Variants in ANKRD30A observed in about 807,000 individuals in gnomAD.
ANKRD30A encodes ankyrin repeat domain-containing protein 30A.
A neutral mutation model predicts 166.3 loss-of-function variants in ANKRD30A; 170 were observed. The ratio of observed to expected loss-of-function variants is 1.02; its 90% CI spans 0.90 to 1.16. The LOEUF is 1.16. ANKRD30A is among the 50% of genes most tolerant of loss of function. The pLI is 0.00. For synonymous variants in ANKRD30A, 564 were observed against 508.9 expected, an observed-to-expected ratio of 1.11 and a Z score of -1.46; for missense variants, 1,630 against 1,518.0, an observed-to-expected ratio of 1.07 and a Z score of -1.23.
intron 6 of ANKRD30A, among the ~76,000 whole-genome samples, chr10:37,138,497 G>T (rs1836869791): frequency 6.6e-6 from 1 of 152,118 alleles, no homozygotes; most frequent in Non-Finnish European, 1.5e-5. Context: ...TAGATGAATG[G>T]CTAACTAGAA....
chr10:37,196,772 A>G (rs185648916), intron 27 of ANKRD30A, among the ~76,000 whole-genome samples: 48 of 152,272 alleles, frequency 3.2e-4, no homozygotes, highest in African/African-American at 8.9e-4. Context: ...CCCTATGGTT[A>G]TGGAAAAAAA....
At chr10:37,211,626 T>C (rs1842324061) in intron 31 of ANKRD30A, among the ~76,000 whole-genome samples, 1 of 152,192 alleles carries the variant, frequency 6.6e-6, no homozygotes, top group Non-Finnish European at 1.5e-5. Flanking sequence ...CAGCATGTTT[T>C]ATAATCCTTT....
rs189369649 is a variant in ANKRD30A, at chr10:37,198,266, G to A, written c.2716+786G>A. Among the ~76,000 whole-genome samples, 442 of 152,038 alleles carry A rather than the reference G, an allele frequency of 2.9e-3. 1 individual carries two copies. The highest frequency in any genetic ancestry group is 4.7e-3 in the Non-Finnish European group (317 of 67,908). Reference sequence around the variant, plus strand: ...TTTTTCAACTTCTAATATGTAGATGGTTGTGCAGTGTAATGTTCGGCAACA... The same window carrying A: ...TTTTTCAACTTCTAATATGTAGATGATTGTGCAGTGTAATGTTCGGCAACA... On this transcript the variant is annotated intron_variant, in intron 29 of 35. Transcript: ENST00000361713.
chr10:37,196,093 A>ATTTATTTTTTTTT (rs1554823849), intron 27 of ANKRD30A, among the ~76,000 whole-genome samples: 2 of 129,448 alleles, frequency 1.5e-5, no homozygotes, highest in Non-Finnish European at 3.2e-5. Flanking sequence ...TATATTTTCT[A>ATTTATTTTTTTTT]TTTTTTTTTT....
rs1300502477 is a variant in ANKRD30A, at chr10:37,196,122, G to A, written c.2615-1159G>A. Among the ~76,000 whole-genome samples the A allele has an allele frequency of 3.9e-5, 5 of 128,128 alleles. No individual in the cohort carries two copies. In the East Asian group the frequency reaches 6.3e-4, roughly 16 times the overall value. 84.1% of individuals were successfully genotyped at this position (128,128 alleles called of 152,430 possible). A position where few individuals can be genotyped will look rare whatever the true frequency, so the allele number is the denominator to read the frequency against. Reference sequence around the variant, plus strand: ...TTTTTTTTTTTTTTTTGTAGTAGAAGCATTCTAGGCAGGTAACAGGGGACA... The same window carrying A: ...TTTTTTTTTTTTTTTTGTAGTAGAAACATTCTAGGCAGGTAACAGGGGACA... On this transcript the variant is annotated intron_variant, in intron 27 of 35. Transcript: ENST00000361713.
chr10:37,126,242 C>G (rs1836003153), intron 1 of ANKRD30A, among the ~76,000 whole-genome samples: 1 of 152,222 alleles, frequency 6.6e-6, no homozygotes, highest in African/African-American at 2.4e-5. Context: ...TTAAAATCAA[C>G]CCCAAACTTT....
Position 37,219,290 on chromosome 10 carries a change from C to T in ANKRD30A, c.3578C>T (p.Ala1193Val). Reference sequence around the variant, plus strand: ...AAACAAGACAAAGAAATACTAGAGGCAGAAATTGAATCACACCATCCTAGA... The same window carrying T: ...AAACAAGACAAAGAAATACTAGAGGTAGAAATTGAATCACACCATCCTAGA... ...KEKQDKEILEAEIESHHPRLA... is the reference protein window; with the variant it reads ...KEKQDKEILEVEIESHHPRLA... The change falls in exon 34 of 36, where the codon GCA becomes GTA. Residue 1193 changes from alanine (A) to valine (V), a missense_variant. By Grantham distance (64) the Ala-to-Val change is moderately conservative (BLOSUM62 0). Around this residue, in one of 4 missense-constraint regions of ANKRD30A, gnomAD observed 712 missense variants for 629.3 expected, o/e 1.13. Coordinates refer to ENST00000361713, the MANE Select transcript of ANKRD30A (RefSeq NM_052997.3). 2 of 1,610,328 alleles carry T rather than the reference C, an allele frequency of 1.2e-6. No individual in the cohort carries two copies.
chr10:37,201,189 T>C (rs1355269605), intron 30 of ANKRD30A, 46 bp from the exon 31 acceptor site: 2 of 1,396,384 alleles, frequency 1.4e-6, no homozygotes, highest in Admixed American at 2.5e-5. Flanking sequence ...ATCTTCATTA[T>C]TAGGATTTTT....
chr10:37,225,203 G>C (rs1376932011), intron 34 of ANKRD30A, among the ~76,000 whole-genome samples: 3 of 151,248 alleles, frequency 2.0e-5, no homozygotes, highest in Non-Finnish European at 4.4e-5. Context: ...CATATATGCT[G>C]TACATTTTTC....
chr10:37,191,945 A>C (rs1042037407), intron 25 of ANKRD30A, among the ~76,000 whole-genome samples: 7 of 152,080 alleles, frequency 4.6e-5, no homozygotes, highest in Non-Finnish European at 8.8e-5. Context: ...TGGTGAGCCG[A>C]TATTACATTA....
At chr10:37,152,233 T>C (rs1452061143) in intron 12 of ANKRD30A, 112 bp downstream of exon 12, 3 of 868,028 alleles carry the variant, frequency 3.5e-6, no homozygotes, top group Non-Finnish European at 5.3e-6. Context: ...CCCGAAATTA[T>C]TTTTGATATT....
At chr10:37,149,983 T>C (rs1192975197) in intron 11 of ANKRD30A, 134 bp downstream of exon 11, 8 of 1,270,570 alleles carry the variant, frequency 6.3e-6, no homozygotes, top group Admixed American at 2.9e-5. Context: ...AATACTGGTA[T>C]TGATGTTTGA....
At chr10:37,233,237 T>C (rs1228763702), downstream of ANKRD30A, among the ~76,000 whole-genome samples, 1 of 152,132 alleles carries the variant, frequency 6.6e-6, no homozygotes, top group African/African-American at 2.4e-5. Flanking sequence ...AGCTGAGTTT[T>C]TAATTATTTT....
intron 6 of ANKRD30A, among the ~76,000 whole-genome samples, chr10:37,140,271 C>G (rs1001901479): frequency 3.9e-5 from 6 of 152,148 alleles, no homozygotes; most frequent in Non-Finnish European, 7.3e-5. Context: ...AACCCATATT[C>G]AAGCATCAAC....
rs564160943 is a variant in ANKRD30A, at chr10:37,137,630, G to A, written c.820+959G>A. ...CCCCATGGAACCTTGCTCATTGCTAGCACAGCAGTCTGAGATCAAACTGTA... is the reference window on the plus strand; with the variant it reads ...CCCCATGGAACCTTGCTCATTGCTAACACAGCAGTCTGAGATCAAACTGTA... On this transcript the variant is annotated intron_variant, in intron 6 of 35. Coordinates refer to ENST00000361713, the MANE Select transcript of ANKRD30A (RefSeq NM_052997.3). 2.4e-3 allele frequency among the ~76,000 whole-genome samples: 364 copies of A among 152,280 alleles called. 6 individuals carry two copies. The Middle Eastern group carries it at 0.031, about 13-fold the overall frequency.
intron 15 of ANKRD30A, among the ~76,000 whole-genome samples, chr10:37,160,770 A>G (rs1838786256): frequency 6.6e-6 from 1 of 152,160 alleles, no homozygotes; most frequent in Admixed American, 6.5e-5. Context: ...AGTTCAGTTT[A>G]TGGTCTCATT....
At chr10:37,148,747 T>C (rs1398411429) in intron 9 of ANKRD30A, among the ~76,000 whole-genome samples, 1 of 152,100 alleles carries the variant, frequency 6.6e-6, no homozygotes, top group Non-Finnish European at 1.5e-5. Flanking sequence ...ATGTTAGCTA[T>C]TCAAGTGAGA....
At chr10:37,240,708 G>A in the ANKRD30A span, among the ~76,000 whole-genome samples, 2 of 151,936 alleles carry the variant, frequency 1.3e-5, no homozygotes, top group Non-Finnish European at 2.9e-5. Context: ...TGTCCTTCTG[G>A]TATCAACCTG....
At chr10:37,157,486 C>A (rs1838473252) in intron 13 of ANKRD30A, among the ~76,000 whole-genome samples, 1 of 152,192 alleles carries the variant, frequency 6.6e-6, no homozygotes, top group Admixed American at 6.5e-5. Context: ...GTACCTCAGG[C>A]ACCCAAGTAG....
Sources: gnomAD v4.1 joint callset for allele counts (sites outside exome capture counted in the v4.1 genomes callset) on GRCh38, gnomAD v4.1.1 for gene constraint, gnomAD v4.1.1 regional missense constraint, MANE v1.5 for transcripts, NCBI Gene and HGNC (gene_info 2026-07-23, HGNC 2026-07-21) for gene names.